ZNF180: variants seen among roughly 807,000 people sequenced by gnomAD.
ZNF180 encodes zinc finger protein 180, also known as zinc finger protein 180 (HHZ168).
ZNF180 carries 11 observed loss-of-function variants against 11.8 expected under a neutral mutation model. That is an observed-to-expected ratio of 0.93 (90% CI 0.59 to 1.55). ZNF180 has a LOEUF of 1.55. Ranked by LOEUF, ZNF180 falls within the 40% of genes most tolerant of loss-of-function variation. The pLI, the probability that ZNF180 is intolerant of heterozygous loss-of-function variation, is 0.00. For synonymous variants in ZNF180, 287 were observed against 257.7 expected (o/e 1.11, Z -1.09); for missense variants, 773 against 781.7 (o/e 0.99, Z 0.13).
chr19:44,488,403 T>G (rs1397998241), intron 2 of ZNF180, among the ~76,000 whole-genome samples: 2 of 152,184 alleles, frequency 1.3e-5, no homozygotes, highest in Admixed American at 6.5e-5. Flanking sequence ...TGCCCGCGAT[T>G]GCAGGCGTGC....
rs181492076 is a variant in ZNF180 at position 44,494,260 on chromosome 19, T to C, written c.51+3024A>G. On this transcript the variant is annotated intron_variant, in intron 2 of 4. Transcript: ENST00000592529. ...TAAATATGTGACAAAAGTCATATAA[T>C]GAACAGACTTCTAATTCAGCTCACA... Among the ~76,000 whole-genome samples the C allele has an allele frequency of 7.1e-4, 108 of 152,296 alleles. 1 individual carries two copies. Among genetic ancestry groups the C allele is most frequent in the African/African-American group, 1.8e-3 (73 of 41,562 alleles).
chr19:44,481,136 G>A (rs889155254), intron 3 of ZNF180, among the ~76,000 whole-genome samples: 5 of 152,158 alleles, frequency 3.3e-5, no homozygotes, highest in Non-Finnish European at 7.3e-5. Context: ...AAAGAGAAGT[G>A]CTAAGGGTGA....
At position 44,484,411 on chromosome 19, in the gene ZNF180, T is replaced by TA. The variant is rs745600473; in HGVS notation, c.75dup (p.Ile26TyrfsTer78). 3.1e-6 allele frequency: 5 copies of TA among 1,613,962 alleles called. No homozygotes were observed. In the African/African-American group the frequency reaches 6.7e-5, roughly 22 times the overall value. On this transcript the variant is annotated frameshift_variant, in exon 3 of 5. Coordinates refer to ENST00000592529, the MANE Select transcript of ZNF180 (RefSeq NM_001278509.3). LOFTEE classifies it high-confidence loss of function. Reference sequence around the variant, plus strand: ...GTGTCTTCTCCCTCGACTTTGATGATAATCTCTTGAGGAAGGAAAGAATCC... The same window carrying TA: ...GTGTCTTCTCCCTCGACTTTGATGATAAATCTCTTGAGGAAGGAAAGAATCC...
chr19:44,499,415 C>T (rs1415712589), intron 1 of ZNF180, among the ~76,000 whole-genome samples: 1 of 152,226 alleles, frequency 6.6e-6, no homozygotes, highest in Non-Finnish European at 1.5e-5. Flanking sequence ...CATACTGCTT[C>T]CTCCCCAGCT....
rs1970563959 is a variant in ZNF180, at chr19:44,495,767, A to G, written c.51+1517T>C. The stretch of plus-strand genomic sequence containing the variant: ...CGTGCACAAGCGACTTCTTCATTCC[A>G]CTTGGGCTCTGACTATGCTGGGATG... On this transcript the variant is annotated intron_variant, in intron 2 of 4. Transcript: ENST00000592529. The surrounding 1 kb of genome is among the most constrained non-coding windows in gnomAD (Gnocchi z 4.5). 6.6e-6 allele frequency among the ~76,000 whole-genome samples: 1 copy of G among 151,760 alleles called. No individual in the cohort carries two copies. The highest frequency in any genetic ancestry group is 6.6e-5 in the Admixed American group (1 of 15,252).
At chr19:44,492,622 G>A (rs1428915587) in intron 2 of ZNF180, among the ~76,000 whole-genome samples, 1 of 151,762 alleles carries the variant, frequency 6.6e-6, no homozygotes, top group Non-Finnish European at 1.5e-5. Context: ...GTAAGACAGT[G>A]GTCAAATCAG....
At chr19:44,479,155 A>G (rs1970011043) in intron 4 of ZNF180, 128 bp downstream of exon 4, 1 of 1,121,482 alleles carries the variant, frequency 8.9e-7, no homozygotes, top group Non-Finnish European at 1.3e-6. Flanking sequence ...ACTGGGGAAT[A>G]AAGAGCACAA....
At chr19:44,485,863 T>C (rs1200256668) in intron 2 of ZNF180, among the ~76,000 whole-genome samples, 3 of 152,222 alleles carry the variant, frequency 2.0e-5, no homozygotes, top group African/African-American at 7.2e-5. Context: ...TTATTCCATT[T>C]TTATGTACAT....
At chr19:44,493,931 T>C (rs1024824970) in intron 2 of ZNF180, among the ~76,000 whole-genome samples, 4 of 152,104 alleles carry the variant, frequency 2.6e-5, no homozygotes, top group Admixed American at 1.3e-4. Flanking sequence ...AGACAACAAC[T>C]TGCCTGCAAC....
chr19:44,474,457 T>C lies in ZNF180; in HGVS notation c.*1945A>G, dbSNP rs1874433214. 6.6e-6 allele frequency: 1 copy of C among 151,340 alleles called. No individual in the cohort carries two copies. The highest frequency in any genetic ancestry group is 2.4e-5 in the African/African-American group (1 of 41,340). 9.4% of individuals were successfully genotyped at this position (151,340 alleles called of 1,614,324 possible). A position where few individuals can be genotyped will look rare whatever the true frequency, so the allele number is the denominator to read the frequency against. ...TGGCTTATATATTTTTTATTTTTACTTTATTTTCTAGGTCTCATCATAGCT... is the reference window on the plus strand; with the variant it reads ...TGGCTTATATATTTTTTATTTTTACCTTATTTTCTAGGTCTCATCATAGCT... On this transcript the variant is annotated 3_prime_UTR_variant, in exon 5 of 5. Transcript: ENST00000592529.
intron 2 of ZNF180, among the ~76,000 whole-genome samples, chr19:44,485,867 T>G (rs114207750): frequency 0.01 from 1,573 of 152,332 alleles, 27 homozygotes; most frequent in African/African-American, 0.035. Flanking sequence ...TCCATTTTTA[T>G]GTACATTCTT....
At chr19:44,496,942 T>C (rs776653652) in intron 2 of ZNF180, among the ~76,000 whole-genome samples, 16 of 152,204 alleles carry the variant, frequency 1.1e-4, no homozygotes, top group Non-Finnish European at 7.3e-5. Flanking sequence ...TTCTATTTCA[T>C]GGTCTTATCG....
At position 44,475,418 on chromosome 19, in the gene ZNF180, T is replaced by C. The variant is rs1969837883; in HGVS notation, c.*984A>G. 6.7e-6 allele frequency: 1 copy of C among 150,138 alleles called. No individual in the cohort carries two copies. The highest frequency in any genetic ancestry group is 2.5e-5 in the African/African-American group (1 of 39,522). The allele number at this position is 150,138 out of a possible 1,614,324, so 9.3% of individuals were successfully genotyped here. A position where few individuals can be genotyped will look rare whatever the true frequency, so the allele number is the denominator to read the frequency against. Reference sequence around the variant, plus strand: ...ACTTGCCCTCTATACTTCCCACGCATTCTCAGTTCTTCATATGAAACCATT... The same window carrying C: ...ACTTGCCCTCTATACTTCCCACGCACTCTCAGTTCTTCATATGAAACCATT... On this transcript the variant is annotated 3_prime_UTR_variant, in exon 5 of 5. Coordinates refer to ENST00000592529, the MANE Select transcript of ZNF180 (RefSeq NM_001278509.3).
At chr19:44,500,180 T>G in intron 1 of ZNF180, 95 bp downstream of exon 1, 1 of 1,614,000 alleles carries the variant, frequency 6.2e-7, no homozygotes, top group South Asian at 1.1e-5. Flanking sequence ...AGATACCAGG[T>G]CTCCCCGCTA....
chr19:44,477,132 T>C lies in ZNF180; in HGVS notation c.1268A>G (p.Tyr423Cys), dbSNP rs1459401087. Reference protein sequence around the residue: ...NQCGKSFRQSYKLIAHQRTHT... With the variant: ...NQCGKSFRQSCKLIAHQRTHT... ...TGTTCTTTGATGTGCAATAAGTTTA[T>C]AGCTCTGCCTGAATGACTTTCCACA... The change falls in exon 5 of 5, where the codon TAT becomes TGT. Residue 423 changes from tyrosine to cysteine, a missense_variant. Physicochemically the swap from Tyr to Cys is radical, Grantham distance 194. Transcript: ENST00000592529. 2 of 1,613,182 alleles carry C rather than the reference T, an allele frequency of 1.2e-6. No homozygotes were observed. Among genetic ancestry groups the C allele is most frequent in the South Asian group, 1.1e-5 (1 of 91,044 alleles).
intron 3 of ZNF180, among the ~76,000 whole-genome samples, chr19:44,483,605 T>TTCCAATTCATA (rs1970139530): frequency 6.6e-6 from 1 of 152,214 alleles, no homozygotes; most frequent in Non-Finnish European, 1.5e-5. Flanking sequence ...CATACATCTC[T>TTCCAATTCATA]CCATTCCAAT....
In ZNF180 at chr19:44,476,885, C is replaced by T. The variant is rs893340626; in HGVS notation, c.1515G>A (p.Trp505Ter). ...ECNQCGKSFS[W>*]SSQLVAHQRT... The stretch of plus-strand genomic sequence containing the variant: ...TTTGATGTGCAACAAGCTGAGAGCT[C>T]CAGCTGAAGGATTTCCCACACTGAT... Residue 505 changes from tryptophan to a stop codon, truncating the protein, a stop_gained, in exon 5 of 5, where the codon TGG becomes TGA. Coordinates refer to ENST00000592529, the MANE Select transcript of ZNF180 (RefSeq NM_001278509.3). LOFTEE classifies it low-confidence loss of function (END_TRUNC). 1.9e-6 allele frequency: 3 copies of T among 1,614,138 alleles called. No individual in the cohort carries two copies. The East Asian group carries it at 6.7e-5, about 36-fold the overall frequency.
intron 2 of ZNF180, among the ~76,000 whole-genome samples, chr19:44,490,192 G>A (rs1177346526): frequency 2.2e-5 from 3 of 136,352 alleles, no homozygotes; most frequent in African/African-American, 8.2e-5. Flanking sequence ...GGGAGGGAGG[G>A]AGGATGGAAG....
At chr19:44,494,830 G>A (rs1229985528) in intron 2 of ZNF180, among the ~76,000 whole-genome samples, 4 of 151,992 alleles carry the variant, frequency 2.6e-5, no homozygotes, top group African/African-American at 9.7e-5. Flanking sequence ...ATTTGTAACA[G>A]CAAAAAAATG....
Sources: allele counts gnomAD v4.1 joint callset (sites outside exome capture counted in the v4.1 genomes callset), GRCh38; gene constraint gnomAD v4.1.1; non-coding constraint Gnocchi (gnomAD v3.1); transcripts MANE v1.5; gene names NCBI Gene and HGNC (gene_info 2026-07-23, HGNC 2026-07-21).